The following FANCB variants were observed in gnomAD, a reference collection of about 807,000 sequenced individuals.
FANCB encodes FA complementation group B, also known as Fanconi anemia group B protein.
In FANCB, 5 loss-of-function variants were observed where a neutral mutation model predicts 38.9. The ratio of observed to expected loss-of-function variants is 0.13; its 90% CI spans 0.07 to 0.27. The LOEUF (loss-of-function observed/expected upper bound fraction) is 0.27, where lower values mean the gene tolerates loss of function less well. FANCB is among the 10% of genes least tolerant of loss of function. The probability of loss-of-function intolerance (pLI) is 1.00; values close to 1 mark genes in which losing one functional copy is unlikely to be tolerated. For synonymous variants in FANCB, 236 were observed against 215.4 expected (o/e 1.10, Z -0.84); for missense variants, 573 against 602.7 (o/e 0.95, Z 0.52).
downstream of FANCB, among the ~76,000 whole-genome samples, chrX:14,832,334 G>A (rs1220983735): frequency 9.0e-6 from 1 of 111,100 alleles, no homozygotes; most frequent in Non-Finnish European, 1.9e-5. Context: ...CTGTATTAAC[G>A]TGGCCATCTT....
At chrX:14,764,312 C>CATTCTCTG in the FANCB span, among the ~76,000 whole-genome samples, 1 of 111,256 alleles carries the variant, frequency 9.0e-6, no homozygotes, top group African/African-American at 3.3e-5. Flanking sequence ...AGCTGAGGGC[C>CATTCTCTG]ATTCTCTGCT....
At chrX:14,804,479 T>C in the FANCB span, among the ~76,000 whole-genome samples, 1 of 110,596 alleles carries the variant, frequency 9.0e-6, no homozygotes, top group African/African-American at 3.3e-5. Flanking sequence ...CACCAGGGCC[T>C]GTTGTGGGGT....
At chrX:14,831,712 A>T (rs2092328008), downstream of FANCB, among the ~76,000 whole-genome samples, 1 of 111,772 alleles carries the variant, frequency 8.9e-6, no homozygotes, top group Non-Finnish European at 1.9e-5. Flanking sequence ...ATGAACACTG[A>T]AACAGTGGAA....
chrX:14,740,829 G>T, the FANCB span, among the ~76,000 whole-genome samples: 1 of 111,573 alleles, frequency 9.0e-6, no homozygotes, highest in South Asian at 3.8e-4. Context: ...TGACCACCTT[G>T]TATAAATTAG....
the FANCB span, among the ~76,000 whole-genome samples, chrX:14,721,963 G>C: frequency 1.8e-5 from 2 of 111,728 alleles, no homozygotes; most frequent in African/African-American, 6.5e-5. Flanking sequence ...CACAGCAATT[G>C]CCTTTCTTTC....
At chrX:14,851,240 T>C (rs1266838164) in intron 6 of FANCB, among the ~76,000 whole-genome samples, 4 of 112,335 alleles carry the variant, frequency 3.6e-5, no homozygotes, top group African/African-American at 1.3e-4. Flanking sequence ...GTGTTTACTT[T>C]ATGCCAGGCA....
At chrX:14,691,220 A>G in the FANCB span, among the ~76,000 whole-genome samples, 2 of 110,861 alleles carry the variant, frequency 1.8e-5, no homozygotes, top group Non-Finnish European at 3.8e-5. Context: ...TTGGGGATAT[A>G]TACTTGATTT....
At chrX:14,732,570 G>A in the FANCB span, among the ~76,000 whole-genome samples, 9 of 111,626 alleles carry the variant, frequency 8.1e-5, no homozygotes, top group East Asian at 2.2e-3. Context: ...TTTAATGATC[G>A]CTATTTTAAC....
the FANCB span, among the ~76,000 whole-genome samples, chrX:14,787,098 G>T: frequency 9.0e-6 from 1 of 110,639 alleles, no homozygotes; most frequent in African/African-American, 3.3e-5. Context: ...CTGAGGGGGA[G>T]CCAGAGAAAT....
At chrX:14,759,081 A>C in the FANCB span, among the ~76,000 whole-genome samples, 1 of 112,059 alleles carries the variant, frequency 8.9e-6, no homozygotes, top group Non-Finnish European at 1.9e-5. Flanking sequence ...ATACACTGAA[A>C]AGTCTCAGCA....
chrX:14,781,700 A>G, the FANCB span, among the ~76,000 whole-genome samples: 1 of 111,888 alleles, frequency 8.9e-6, no homozygotes, highest in Non-Finnish European at 1.9e-5. Flanking sequence ...CTACCAGAGC[A>G]GCATCCACCA....
chrX:14,865,504 T>C lies in FANCB; in HGVS notation c.7A>G (p.Ser3Gly), dbSNP rs139111718. The change falls in exon 3 of 10, where the codon AGC (serine) becomes GGC (glycine). Residue 3 changes from serine (S) to glycine (G), a missense_variant. Physicochemically the swap from Ser to Gly is moderately conservative, Grantham distance 56. Transcript: ENST00000650831. ...TCGTTAGATGACATTGCTTGTTTGC[T>C]AGTCATTCCACAATATCAAGTCTTT... The part of the protein sequence containing the change: MT[S>G]KQAMSSNEQE... The C allele has an allele frequency of 1.4e-5, 17 of 1,173,695 alleles. No homozygotes were observed. The highest frequency in any genetic ancestry group is 4.7e-4 in the Middle Eastern group (2 of 4,267).
the FANCB span, among the ~76,000 whole-genome samples, chrX:14,811,511 G>C: frequency 3.6e-5 from 4 of 110,839 alleles, no homozygotes; most frequent in African/African-American, 1.3e-4. Flanking sequence ...GGCAGGGGTT[G>C]CAATCCTAGT....
At chrX:14,747,371 T>C in the FANCB span, among the ~76,000 whole-genome samples, 4 of 112,339 alleles carry the variant, frequency 3.6e-5, no homozygotes. Context: ...GCAACAAAAT[T>C]GACACAGGTA....
At chrX:14,775,494 A>C in the FANCB span, among the ~76,000 whole-genome samples, 1 of 111,504 alleles carries the variant, frequency 9.0e-6, no homozygotes, top group South Asian at 3.8e-4. Context: ...CCAGCTAGGC[A>C]AGGGTGCAAG....
chrX:14,709,765 T>TTAC, the FANCB span, among the ~76,000 whole-genome samples: 24 of 111,881 alleles, frequency 2.1e-4, no homozygotes, highest in African/African-American at 5.5e-4. Context: ...TACCCCCTCC[T>TTAC]TACTCTGCTG....
intron 3 of FANCB, among the ~76,000 whole-genome samples, chrX:14,862,930 C>T (rs1382411114): frequency 8.9e-6 from 1 of 111,813 alleles, no homozygotes; most frequent in Non-Finnish European, 1.9e-5. Context: ...AGATGTTTTT[C>T]CCCTACCATT....
chrX:14,716,710 A>G, the FANCB span, among the ~76,000 whole-genome samples: 2 of 111,963 alleles, frequency 1.8e-5, no homozygotes, highest in Non-Finnish European at 3.8e-5. Flanking sequence ...TGGTGAGCAA[A>G]GATAATAGTG....
Position 14,857,900 on chromosome X carries a change from G to A in FANCB, c.1159C>T (p.Arg387Cys), listed in dbSNP as rs145542355. ...TCTAGAGGTGGAACCACCAGGTAAC[G>A]ATTCTCTTGTTTGTCTTCAAATAAG... The part of the protein sequence containing the change: ...DDLFEDKQEN[R>C]YLVVPPLETG... Residue 387 changes from arginine to cysteine, a missense_variant, in exon 5 of 10, where the codon CGT becomes TGT. Transcript: ENST00000650831. The A allele has an allele frequency of 5.9e-6, 7 of 1,193,408 alleles. No individual in the cohort carries two copies. The highest frequency in any genetic ancestry group is 5.3e-5 in the African/African-American group (3 of 56,717).
Sources: allele counts gnomAD v4.1 joint callset (sites outside exome capture counted in the v4.1 genomes callset), GRCh38; gene constraint gnomAD v4.1.1; transcripts MANE v1.5; gene names NCBI Gene and HGNC (gene_info 2026-07-23, HGNC 2026-07-21).